IGF2R: variants seen among roughly 807,000 people sequenced by gnomAD.
IGF2R encodes cation-independent mannose-6-phosphate receptor.
In IGF2R, 91 loss-of-function variants were observed where a neutral mutation model predicts 270.6. That is an observed-to-expected ratio of 0.34 (90% CI 0.28 to 0.40). IGF2R has a LOEUF of 0.40. Among genes scored for constraint, IGF2R ranks in the 10% least tolerant of loss-of-function variants. The pLI is 1.00. For synonymous variants in IGF2R, 1,316 were observed against 1,258.9 expected (o/e 1.05, Z -0.96); for missense variants, 2,805 against 3,188.3 (o/e 0.88, Z 2.90).
chr6:160,043,030 A>G, intron 11 of IGF2R, 118 bp from the exon 12 acceptor site: 1 of 1,037,392 alleles, frequency 9.6e-7, no homozygotes, highest in Non-Finnish European at 1.4e-6. Context: ...CTGGGGATTG[A>G]GTGACGAAGT....
rs937621529 is a variant in IGF2R, at chr6:160,102,725, A to G, written c.6995+54A>G. On this transcript the variant is annotated intron_variant, in intron 46 of 47. Coordinates refer to ENST00000356956, the MANE Select transcript of IGF2R (RefSeq NM_000876.4). This position sits in a 1 kb window ranked among gnomAD's most constrained non-coding sequence, Gnocchi z 4.5. ...GGGTGGATGCATGCCTCCCATAGCT[A>G]ATCTTGGGGTCAGTTTTGTGGGGTT... is the stretch of plus-strand genomic sequence containing the variant. 5.9e-6 allele frequency: 9 copies of G among 1,522,738 alleles called. No individual in the cohort carries two copies. The highest frequency in any genetic ancestry group is 1.2e-5 in the South Asian group (1 of 83,572). The allele number at this position is 1,522,738 out of a possible 1,614,324, so 94.3% of individuals were successfully genotyped here.
Position 160,054,879 on chromosome 6 carries a change from C to T in IGF2R, c.2695-1545C>T, listed in dbSNP as rs577435684. Reference sequence around the variant, plus strand: ...CTTGTTAAGGGTGTGTGGCAGCTTCCTCAAGCCCCACTGAAATGAGCCAGC... The same window carrying T: ...CTTGTTAAGGGTGTGTGGCAGCTTCTTCAAGCCCCACTGAAATGAGCCAGC... On this transcript the variant is annotated intron_variant, in intron 19 of 47. Transcript: ENST00000356956. 1.9e-4 allele frequency among the ~76,000 whole-genome samples: 29 copies of T among 152,312 alleles called. 2 individuals are homozygous for T. In the South Asian group the frequency reaches 5.6e-3, roughly 29 times the overall value.
chr6:160,057,871 AG>A, intron 20 of IGF2R, 151 bp from the exon 21 acceptor site: 1 of 591,490 alleles, frequency 1.7e-6, no homozygotes, highest in African/African-American at 1.9e-5. Flanking sequence ...GGCTACATGT[AG>A]GGCTACATTT....
intron 2 of IGF2R, among the ~76,000 whole-genome samples, chr6:159,991,916 A>C (rs1783985190): frequency 6.6e-6 from 1 of 152,240 alleles, no homozygotes; most frequent in South Asian, 2.1e-4. Context: ...TGTGAAGAAT[A>C]TGAATCCAAG....
chr6:160,045,289 A>G (rs947498400), intron 13 of IGF2R, among the ~76,000 whole-genome samples: 2 of 152,170 alleles, frequency 1.3e-5, no homozygotes, highest in South Asian at 2.1e-4. Flanking sequence ...TCTACCTCCC[A>G]TTGAAATATT....
chr6:160,026,398 C>T lies in IGF2R; in HGVS notation c.647-787C>T, dbSNP rs185209730. Among the ~76,000 whole-genome samples the T allele has an allele frequency of 5.3e-5, 8 of 152,360 alleles. No individual in the cohort carries two copies. The East Asian group carries it at 1.5e-3, about 29-fold the overall frequency. ...AACTTAAGGGAGGTAAGATTATTCA[C>T]TCACTCATTCGTGGGAGAAGGGTTG... On this transcript the variant is annotated intron_variant, in intron 5 of 47. Coordinates refer to ENST00000356956, the MANE Select transcript of IGF2R (RefSeq NM_000876.4).
chr6:160,089,815 G>A (rs1779179336), intron 43 of IGF2R, 101 bp from the exon 44 acceptor site: 6 of 744,364 alleles, frequency 8.1e-6, no homozygotes, highest in Admixed American at 3.1e-5. Flanking sequence ...AGGAAAGGAA[G>A]CATCCTGGGG....
At chr6:160,081,467 G>A (rs1489039924) in intron 39 of IGF2R, among the ~76,000 whole-genome samples, 2 of 152,304 alleles carry the variant, frequency 1.3e-5, no homozygotes, top group African/African-American at 2.4e-5. Flanking sequence ...GGATCACAAG[G>A]TCAGCGCGAA....
intron 1 of IGF2R, among the ~76,000 whole-genome samples, chr6:159,970,020 G>C (rs1409007426): frequency 6.6e-6 from 1 of 152,094 alleles, no homozygotes; most frequent in African/African-American, 2.4e-5. Context: ...TCCAGTGTGA[G>C]CTTTCAAGAC....
rs111290064 is a variant in IGF2R, at chr6:160,049,683, A to G, written c.2515-790A>G. Among the ~76,000 whole-genome samples the G allele has an allele frequency of 4.9e-4, 74 of 152,322 alleles. 2 individuals carry two copies. Among genetic ancestry groups the G allele is most frequent in the African/African-American group, 1.7e-3 (69 of 41,580 alleles). ...ATGACTTACTCCCTTGTGTTCGGAA[A>G]GTTTAGCGGGGCAGCCTTAGGTGAG... On this transcript the variant is annotated intron_variant, in intron 18 of 47. Coordinates refer to ENST00000356956, the MANE Select transcript of IGF2R (RefSeq NM_000876.4).
At chr6:160,021,558 C>T (rs1011954445) in intron 4 of IGF2R, among the ~76,000 whole-genome samples, 10 of 149,536 alleles carry the variant, frequency 6.7e-5, no homozygotes, top group South Asian at 2.1e-4. Context: ...CAAACCTGCA[C>T]GTTGTGCACA....
chr6:159,982,757 A>G (rs1783825489), intron 1 of IGF2R, among the ~76,000 whole-genome samples: 1 of 152,250 alleles, frequency 6.6e-6, no homozygotes, highest in Non-Finnish European at 1.5e-5. Flanking sequence ...GATATATGGC[A>G]ATAAATGAGG....
intron 1 of IGF2R, among the ~76,000 whole-genome samples, chr6:159,986,886 A>G (rs1342616513): frequency 6.6e-6 from 1 of 152,138 alleles, no homozygotes; most frequent in East Asian, 1.9e-4. Flanking sequence ...TGTTTGGAAT[A>G]GTTTCCTAAT....
intron 36 of IGF2R, among the ~76,000 whole-genome samples, chr6:160,077,345 G>C (rs546914672): frequency 6.6e-6 from 1 of 152,336 alleles, no homozygotes; most frequent in South Asian, 2.1e-4. Context: ...TCTGCATTAA[G>C]TTCTTCGTTC....
rs58646750 is a variant in IGF2R at position 160,022,013 on chromosome 6, A to AACACACACACACACACACACAC, written c.514-2552_514-2531dup. 9.5e-3 allele frequency among the ~76,000 whole-genome samples: 1,354 copies of AACACACACACACACACACACAC among 142,758 alleles called. 10 individuals are homozygous for AACACACACACACACACACACAC. Among genetic ancestry groups the AACACACACACACACACACACAC allele is most frequent in the South Asian group, 0.027 (119 of 4,462 alleles). 93.7% of individuals were successfully genotyped at this position (142,758 alleles called of 152,430 possible). A position where few individuals can be genotyped will look rare whatever the true frequency, so the allele number is the denominator to read the frequency against. On this transcript the variant is annotated intron_variant, in intron 4 of 47. Transcript: ENST00000356956. The stretch of plus-strand genomic sequence containing the variant: ...CCCACCAACGGATGACTAGGTAAAG[A>AACACACACACACACACACACAC]ACACACACACACACACACACACACA...
intron 4 of IGF2R, among the ~76,000 whole-genome samples, chr6:160,016,826 A>G (rs924392791): frequency 6.6e-6 from 1 of 152,262 alleles, no homozygotes; most frequent in African/African-American, 2.4e-5. Context: ...AAATAAAACT[A>G]TGCAACATAC....
intron 27 of IGF2R, among the ~76,000 whole-genome samples, chr6:160,063,988 T>G (rs1778500803): frequency 6.6e-6 from 1 of 152,204 alleles, no homozygotes; most frequent in East Asian, 1.9e-4. Context: ...AGTACGAGGT[T>G]TGGCTGTAGA....
chr6:160,096,602 C>T lies in IGF2R; in HGVS notation c.6819C>T (p.Tyr2273=), dbSNP rs1217939767. Residue 2273 remains tyrosine, a synonymous_variant, in exon 45 of 48, where the codon TAC becomes TAT. Coordinates refer to ENST00000356956, the MANE Select transcript of IGF2R (RefSeq NM_000876.4). ...ACTGCCAGTACCTCTTCTCTTGGTA[C>T]ACCTCAGCCGTGTGTCCTCTGGGGT... The part of the protein sequence containing the change: ...TADCQYLFSW[Y]TSAVCPLGVG... 1.9e-6 allele frequency: 3 copies of T among 1,614,006 alleles called. No homozygotes were observed. The East Asian group carries it at 6.7e-5, about 36-fold the overall frequency.
chr6:160,043,751 C>T (rs1778000216), intron 12 of IGF2R, among the ~76,000 whole-genome samples: 1 of 152,240 alleles, frequency 6.6e-6, no homozygotes, highest in South Asian at 2.1e-4. Context: ...CCGTAGCTGT[C>T]ATGCAGAGAC....
Sources: allele counts gnomAD v4.1 joint callset (sites outside exome capture counted in the v4.1 genomes callset), GRCh38; gene constraint gnomAD v4.1.1; non-coding constraint Gnocchi (gnomAD v3.1); transcripts MANE v1.5; gene names NCBI Gene and HGNC (gene_info 2026-07-23, HGNC 2026-07-21).